MAST2: variants seen among roughly 807,000 people sequenced by gnomAD.
MAST2 encodes the protein microtubule-associated serine/threonine-protein kinase 2.
Under a neutral mutation model 147.4 loss-of-function variants are expected in MAST2, and 70 were observed. That is an observed-to-expected ratio of 0.47 (90% confidence interval 0.39 to 0.58). MAST2 has a LOEUF of 0.58. MAST2 is among the 20% of genes least tolerant of loss of function. MAST2 has a pLI of 0.00. For missense variants in MAST2, 2,080 were observed against 2,302.3 expected (o/e 0.90, Z 1.98); for synonymous variants, 869 against 896.8 (o/e 0.97, Z 0.55).
intron 3 of MAST2, among the ~76,000 whole-genome samples, chr1:45,840,728 G>A (rs1267560950): frequency 6.6e-6 from 1 of 152,156 alleles, no homozygotes; most frequent in Non-Finnish European, 1.5e-5. Flanking sequence ...GTATACTCTT[G>A]TAACAAGTAG....
intron 5 of MAST2, among the ~76,000 whole-genome samples, chr1:45,993,552 C>T (rs542560185): frequency 1.2e-4 from 19 of 152,056 alleles, no homozygotes; most frequent in African/African-American, 2.9e-4. Flanking sequence ...GGCATGGTGG[C>T]GCGTGCCTGT....
chr1:46,025,733 C>T lies in MAST2; in HGVS notation c.1837C>T (p.Arg613Cys), dbSNP rs1324682611. Residue 613 changes from arginine to cysteine, a missense_variant, in exon 16 of 29, where the codon CGT (arginine) becomes TGT (cysteine). Around this residue, in one of 4 missense-constraint regions of MAST2, gnomAD observed 209 missense variants for 309.5 expected, o/e 0.68. Coordinates refer to ENST00000361297, the MANE Select transcript of MAST2 (RefSeq NM_015112.3). The stretch of plus-strand genomic sequence containing the variant: ...TGGGGCCCTGCCTGTGGACATGGTG[C>T]GTCTATACTTTGCGGAAACTGTGCT... The part of the protein sequence containing the change: ...NIGALPVDMV[R>C]LYFAETVLAL... 14 of 1,614,074 alleles carry T rather than the reference C, an allele frequency of 8.7e-6. No individual in the cohort carries two copies. Among genetic ancestry groups the T allele is most frequent in the Non-Finnish European group, 1.2e-5 (14 of 1,180,046 alleles).
At position 46,034,894 on chromosome 1, in the gene MAST2, G is replaced by T. The variant is rs1646837206; in HGVS notation, c.4225G>T (p.Glu1409Ter). The T allele has an allele frequency of 6.2e-7, 1 of 1,614,112 alleles. No individual in the cohort carries two copies. The highest frequency in any genetic ancestry group is 1.3e-5 in the African/African-American group (1 of 74,946). ...ACTACTCAAGAGGGTGCAGTCGGCT[G>T]AGAAACTGGCAGCAGCACTTGCCGC... is the stretch of plus-strand genomic sequence containing the variant. Reference protein sequence around the residue: ...SPLLKRVQSAEKLAAALAASE... With the variant: ...SPLLKRVQSA The change falls in exon 29 of 29, where the codon GAG becomes TAG. Residue 1409 changes from glutamate (E) to a stop codon, truncating the protein, a stop_gained. Transcript: ENST00000361297. LOFTEE classifies it low-confidence loss of function (END_TRUNC).
chr1:45,807,018 A>G (rs1483138522), intron 1 of MAST2, among the ~76,000 whole-genome samples: 3 of 152,164 alleles, frequency 2.0e-5, no homozygotes, highest in Non-Finnish European at 2.9e-5. Flanking sequence ...TCAAATTGAA[A>G]TATAATTCAT....
In MAST2 at chr1:45,830,108, C is replaced by T. The variant is rs376972482; in HGVS notation, c.468+527C>T. Among the ~76,000 whole-genome samples, 12 of 150,722 alleles carry T rather than the reference C, an allele frequency of 8.0e-5. No individual in the cohort carries two copies. The East Asian group carries it at 2.0e-3, about 25-fold the overall frequency. ...CTGACCTCAGGTGATCCTCCCTGCTCGGCCTCCCAAAGTGCTGGGATTACA... is the reference window on the plus strand; with the variant it reads ...CTGACCTCAGGTGATCCTCCCTGCTTGGCCTCCCAAAGTGCTGGGATTACA... On this transcript the variant is annotated intron_variant, in intron 3 of 28. Transcript: ENST00000361297.
At chr1:45,957,342 G>T (rs1360024869) in intron 4 of MAST2, among the ~76,000 whole-genome samples, 2 of 152,096 alleles carry the variant, frequency 1.3e-5, no homozygotes, top group Non-Finnish European at 2.9e-5. Flanking sequence ...TGTAGTTTCG[G>T]GCTTTCACAA....
intron 4 of MAST2, among the ~76,000 whole-genome samples, chr1:45,936,462 GT>G (rs754034729): frequency 4.1e-5 from 5 of 120,526 alleles, no homozygotes; most frequent in Non-Finnish European, 8.7e-5. Flanking sequence ...AGGGGACCGT[GT>G]TTTTTGCCCA....
In MAST2 at chr1:46,035,359, A is replaced by C. The variant is rs754257780; in HGVS notation, c.4690A>C (p.Thr1564Pro). The change falls in exon 29 of 29, where the codon ACA (threonine) becomes CCA (proline). Residue 1564 changes from threonine to proline, a missense_variant. Transcript: ENST00000361297. The surrounding 1 kb of genome is among the most constrained non-coding windows in gnomAD (Gnocchi z 5.5). Reference protein sequence around the residue: ...SLGPMVPSLLTGITLGPPRME... With the variant: ...SLGPMVPSLLPGITLGPPRME... Reference sequence around the variant, plus strand: ...GGGCCCAATGGTCCCAAGCCTATTGACAGGGATCACACTGGGGCCTCCCAG... The same window carrying C: ...GGGCCCAATGGTCCCAAGCCTATTGCCAGGGATCACACTGGGGCCTCCCAG... 1.2e-6 allele frequency: 2 copies of C among 1,613,554 alleles called. No individual in the cohort carries two copies. The highest frequency in any genetic ancestry group is 1.7e-6 in the Non-Finnish European group (2 of 1,179,796).
At chr1:45,915,709 CA>C (rs58479623) in intron 4 of MAST2, among the ~76,000 whole-genome samples, 43,635 of 130,562 alleles carry the variant, frequency 0.33, 6,352 homozygotes, top group African/African-American at 0.4. Context: ...GACTCTGTCT[CA>C]AAAAAAAAAA....
At chr1:45,956,016 A>G (rs2148890077) in intron 4 of MAST2, among the ~76,000 whole-genome samples, 1 of 152,286 alleles carries the variant, frequency 6.6e-6, no homozygotes, top group African/African-American at 2.4e-5. Context: ...TCTATAATCC[A>G]TTCCTTGCTT....
intron 11 of MAST2, among the ~76,000 whole-genome samples, chr1:46,021,276 A>T (rs1198655247): frequency 6.6e-6 from 1 of 152,228 alleles, no homozygotes; most frequent in East Asian, 1.9e-4. Flanking sequence ...CCTCAGGAAC[A>T]TGAAGTCCTT....
chr1:45,980,703 T>G (rs1446816099), intron 5 of MAST2, among the ~76,000 whole-genome samples: 1 of 151,980 alleles, frequency 6.6e-6, no homozygotes, highest in Non-Finnish European at 1.5e-5. Flanking sequence ...CCCAACTAAT[T>G]TTTTAATTTT....
At chr1:45,934,037 CA>C (rs1655801528) in intron 4 of MAST2, among the ~76,000 whole-genome samples, 1 of 151,840 alleles carries the variant, frequency 6.6e-6, no homozygotes, top group Non-Finnish European at 1.5e-5. Context: ...ACGTAGTGCC[CA>C]ATAGGTAGTT....
chr1:45,820,427 A>T (rs551584751), intron 1 of MAST2, among the ~76,000 whole-genome samples: 10 of 152,180 alleles, frequency 6.6e-5, no homozygotes, highest in Non-Finnish European at 1.3e-4. Context: ...GATTACATGT[A>T]ACATACTAAA....
At chr1:45,834,650 A>C (rs1353990397) in intron 3 of MAST2, among the ~76,000 whole-genome samples, 1 of 152,168 alleles carries the variant, frequency 6.6e-6, no homozygotes. Flanking sequence ...ATCTGTTGTT[A>C]AAAGTGGCAT....
rs141447639 is a variant in MAST2 at position 45,996,102 on chromosome 1, C to T, written c.593-1622C>T. ...TTTTTGCTGCTTTTTTTTCCCCTCT[C>T]GGTGTTAGCTATTTCTGACATACGT... On this transcript the variant is annotated intron_variant, in intron 5 of 28. Transcript: ENST00000361297. Among the ~76,000 whole-genome samples the T allele has an allele frequency of 4.0e-5, 6 of 151,552 alleles. No individual in the cohort carries two copies. The East Asian group carries it at 7.7e-4, about 20-fold the overall frequency.
intron 7 of MAST2, among the ~76,000 whole-genome samples, chr1:46,005,091 G>A (rs927754754): frequency 6.6e-6 from 1 of 152,118 alleles, no homozygotes; most frequent in Non-Finnish European, 1.5e-5. Flanking sequence ...GGCTGGGCGC[G>A]GTGGCTCACG....
intron 3 of MAST2, among the ~76,000 whole-genome samples, chr1:45,863,043 G>A (rs1261094164): frequency 2.0e-5 from 3 of 152,034 alleles, no homozygotes; most frequent in Non-Finnish European, 4.4e-5. Context: ...TATGGTTAAT[G>A]TTGATTTTGG....
intron 4 of MAST2, among the ~76,000 whole-genome samples, chr1:45,938,873 A>G (rs1053928121): frequency 1.2e-4 from 18 of 151,988 alleles, no homozygotes; most frequent in African/African-American, 3.1e-4. Context: ...TGTCTGATCA[A>G]ATATTTTTGT....
Sources: gnomAD v4.1 joint callset for allele counts (sites outside exome capture counted in the v4.1 genomes callset) on GRCh38, gnomAD v4.1.1 for gene constraint, gnomAD v4.1.1 regional missense constraint, Gnocchi (gnomAD v3.1) non-coding constraint, MANE v1.5 for transcripts, NCBI Gene and HGNC (gene_info 2026-07-23, HGNC 2026-07-21) for gene names.